The following CSGALNACT1 variants were observed in gnomAD, a reference collection of about 807,000 sequenced individuals.
CSGALNACT1 encodes chondroitin sulfate N-acetylgalactosaminyltransferase 1.
CSGALNACT1 carries 52 observed loss-of-function variants against 51.0 expected under a neutral mutation model. That is an observed-to-expected ratio of 1.02 (90% CI 0.82 to 1.29). The LOEUF (loss-of-function observed/expected upper bound fraction) is 1.29, where lower values mean the gene tolerates loss of function less well. Among genes scored for constraint, CSGALNACT1 ranks in the 50% most tolerant of loss-of-function variants. The pLI, the probability that CSGALNACT1 is intolerant of heterozygous loss-of-function variation, is 0.00. For missense variants in CSGALNACT1, 935 were observed against 679.2 expected, an observed-to-expected ratio of 1.38 and a Z score of -4.19; for synonymous variants, 341 against 254.4, an observed-to-expected ratio of 1.34 and a Z score of -3.24.
intron 3 of CSGALNACT1, among the ~76,000 whole-genome samples, chr8:19,588,985 T>G (rs2047238503): frequency 6.6e-6 from 1 of 152,194 alleles, no homozygotes. Context: ...ACACAATCAC[T>G]GAGTGGGCCC....
upstream of CSGALNACT1, among the ~76,000 whole-genome samples, chr8:19,685,433 T>A (rs1279680860): frequency 6.6e-6 from 1 of 151,794 alleles, no homozygotes; most frequent in Admixed American, 6.6e-5. Context: ...CTGCAGTGAG[T>A]CACGATTGCA....
At position 19,460,967 on chromosome 8, in the gene CSGALNACT1, A is replaced by G. The variant is rs1266516481; in HGVS notation, c.635-2325T>C. On this transcript the variant is annotated intron_variant, in intron 4 of 9. Coordinates refer to ENST00000454498, the Ensembl canonical transcript of CSGALNACT1. ...TCTCGTGTCTCCCTGCTGTCCTCAC[A>G]GCCCCACCTGAAAACCCAAACCCAC... 3.3e-5 allele frequency among the ~76,000 whole-genome samples: 5 copies of G among 152,232 alleles called. No homozygotes were observed. In the South Asian group the frequency reaches 1.0e-3, roughly 32 times the overall value.
intron 2 of CSGALNACT1, among the ~76,000 whole-genome samples, chr8:19,599,163 G>A (rs2049668127): frequency 6.6e-6 from 1 of 152,082 alleles, no homozygotes; most frequent in South Asian, 2.1e-4. Flanking sequence ...AGTGTCAGGG[G>A]AGGGGGAGCA....
chr8:19,695,906 G>C (rs964657620), intron 1 of CSGALNACT1, among the ~76,000 whole-genome samples: 2 of 152,134 alleles, frequency 1.3e-5, no homozygotes, highest in African/African-American at 4.8e-5. Context: ...CCATCATCCT[G>C]TCACAAAGCC....
At chr8:19,428,664 C>T (rs1358401801) in intron 6 of CSGALNACT1, among the ~76,000 whole-genome samples, 1 of 152,136 alleles carries the variant, frequency 6.6e-6, no homozygotes, top group African/African-American at 2.4e-5. Flanking sequence ...TGTGCTTTTA[C>T]ATCATTAAGT....
chr8:19,633,683 C>CTTTCAGA (rs768168607), intron 1 of CSGALNACT1, among the ~76,000 whole-genome samples: 3 of 152,180 alleles, frequency 2.0e-5, no homozygotes, highest in African/African-American at 2.4e-5. Flanking sequence ...AGACTTTTAG[C>CTTTCAGA]TTTCAGATTT....
At chr8:19,434,051 C>G (rs980418237) in intron 6 of CSGALNACT1, among the ~76,000 whole-genome samples, 1 of 152,180 alleles carries the variant, frequency 6.6e-6, no homozygotes, top group Non-Finnish European at 1.5e-5. Flanking sequence ...CCCTTTCACA[C>G]CAAAATTCAT....
At chr8:19,517,214 G>A (rs2079725303) in intron 3 of CSGALNACT1, among the ~76,000 whole-genome samples, 1 of 152,218 alleles carries the variant, frequency 6.6e-6, no homozygotes, top group African/African-American at 2.4e-5. Flanking sequence ...GAGGTGGGAA[G>A]ATCACCTGAG....
chr8:19,609,320 A>C (rs1338546770), intron 1 of CSGALNACT1, among the ~76,000 whole-genome samples: 1 of 148,862 alleles, frequency 6.7e-6, no homozygotes, highest in African/African-American at 2.5e-5. Flanking sequence ...GCCCTCAGGG[A>C]TCCTACAATT....
At chr8:19,450,615 T>C (rs35029660) in intron 5 of CSGALNACT1, among the ~76,000 whole-genome samples, 70,524 of 151,898 alleles carry the variant, frequency 0.46, 17,880 homozygotes, top group East Asian at 0.86. Context: ...ATGAAGTCAT[T>C]TGCAGGTACA....
chr8:19,470,227 G>T (rs2067807286), intron 4 of CSGALNACT1, among the ~76,000 whole-genome samples: 1 of 152,162 alleles, frequency 6.6e-6, no homozygotes, highest in South Asian at 2.1e-4. Context: ...GATACAAATA[G>T]AGAAAGCTTG....
chr8:19,453,019 C>T (rs1311183383), intron 5 of CSGALNACT1, among the ~76,000 whole-genome samples: 1 of 152,142 alleles, frequency 6.6e-6, no homozygotes, highest in African/African-American at 2.4e-5. Context: ...AAACTATGTT[C>T]GAGCAAACAG....
At chr8:19,454,564 G>A (rs565645977) in intron 5 of CSGALNACT1, among the ~76,000 whole-genome samples, 17 of 152,118 alleles carry the variant, frequency 1.1e-4, no homozygotes, top group Admixed American at 2.0e-4. Flanking sequence ...CCAGCTACTC[G>A]GGAGGCTGAG....
intron 3 of CSGALNACT1, among the ~76,000 whole-genome samples, chr8:19,588,512 G>C (rs966618779): frequency 1.3e-5 from 2 of 152,146 alleles, no homozygotes; most frequent in African/African-American, 4.8e-5. Context: ...TATCACTCGT[G>C]AGCATTGCCC....
At chr8:19,688,200 T>A (rs2061085453) in intron 1 of CSGALNACT1, among the ~76,000 whole-genome samples, 1 of 152,202 alleles carries the variant, frequency 6.6e-6, no homozygotes, top group African/African-American at 2.4e-5. Context: ...TGTCTTCCCA[T>A]GGGCTGCTTT....
Position 19,451,127 on chromosome 8 carries a change from A to G in CSGALNACT1, c.851+7299T>C, listed in dbSNP as rs115779876. Among the ~76,000 whole-genome samples, 957 of 152,256 alleles carry G rather than the reference A, an allele frequency of 6.3e-3. 9 individuals carry two copies. The highest frequency in any genetic ancestry group is 0.022 in the African/African-American group (905 of 41,556). On this transcript the variant is annotated intron_variant, in intron 5 of 9. Transcript: ENST00000454498. Reference sequence around the variant, plus strand: ...GGAATATCATTTATTTGGTGGTTCAATGCTTCTTAAATGAAGGCCCTTAGG... The same window carrying G: ...GGAATATCATTTATTTGGTGGTTCAGTGCTTCTTAAATGAAGGCCCTTAGG...
intron 1 of CSGALNACT1, among the ~76,000 whole-genome samples, chr8:19,618,653 A>AAG (rs1554765868): frequency 1.4e-4 from 13 of 91,378 alleles, no homozygotes; most frequent in African/African-American, 3.5e-4. Flanking sequence ...AAAAAAAAAA[A>AAG]AAAGAAAGAA....
intron 1 of CSGALNACT1, among the ~76,000 whole-genome samples, chr8:19,696,885 T>C (rs1001552022): frequency 4.6e-5 from 7 of 152,088 alleles, no homozygotes; most frequent in Non-Finnish European, 8.8e-5. Flanking sequence ...AAGACAAGTA[T>C]AGGCAGAGCC....
intron 1 of CSGALNACT1, among the ~76,000 whole-genome samples, chr8:19,657,501 G>A: frequency 6.6e-6 from 1 of 152,080 alleles, no homozygotes; most frequent in East Asian, 1.9e-4. Flanking sequence ...AGACACCACA[G>A]AACACCAAAG....
Sources: allele counts gnomAD v4.1 joint callset (sites outside exome capture counted in the v4.1 genomes callset), GRCh38; gene constraint gnomAD v4.1.1; transcripts MANE v1.5; gene names NCBI Gene and HGNC (gene_info 2026-07-23, HGNC 2026-07-21).